The following SLC22A24 variants were observed in gnomAD, a reference collection of about 807,000 sequenced individuals.
SLC22A24 encodes the protein steroid transmembrane transporter SLC22A24.
Under a neutral mutation model 49.8 loss-of-function variants are expected in SLC22A24, and 53 were observed. That is an observed-to-expected ratio of 1.06 (90% CI 0.85 to 1.34). The LOEUF (loss-of-function observed/expected upper bound fraction) is 1.34. SLC22A24 is among the 40% of genes most tolerant of loss of function. The pLI is 0.00. For synonymous variants in SLC22A24, 302 were observed against 256.4 expected (o/e 1.18, Z -1.70); for missense variants, 786 against 675.9 (o/e 1.16, Z -1.81).
At chr11:63,131,427 T>C (rs1425984140) in intron 2 of SLC22A24, among the ~76,000 whole-genome samples, 1 of 152,196 alleles carries the variant, frequency 6.6e-6, no homozygotes, top group Non-Finnish European at 1.5e-5. Context: ...GGTTGTTCCT[T>C]TCCATGTTTA....
chr11:63,098,970 G>T (rs556442240), intron 5 of SLC22A24, among the ~76,000 whole-genome samples: 2 of 152,092 alleles, frequency 1.3e-5, no homozygotes, highest in Non-Finnish European at 1.5e-5. Context: ...GTTATTAAAG[G>T]CTGGTATGAG....
intron 6 of SLC22A24, among the ~76,000 whole-genome samples, chr11:63,091,619 A>G (rs910819561): frequency 1.3e-5 from 2 of 152,208 alleles, no homozygotes; most frequent in South Asian, 2.1e-4. Context: ...AAAACAATAA[A>G]CATAATCCAT....
chr11:63,142,225 G>T (rs952423050), intron 1 of SLC22A24, among the ~76,000 whole-genome samples: 10 of 152,086 alleles, frequency 6.6e-5, no homozygotes, highest in African/African-American at 2.4e-4. Context: ...CTCACCTTGG[G>T]GTTCACTCCC....
chr11:63,133,298 G>T (rs752354547), intron 2 of SLC22A24, among the ~76,000 whole-genome samples: 3 of 152,168 alleles, frequency 2.0e-5, no homozygotes, highest in African/African-American at 7.2e-5. Context: ...CCCTGCTTCA[G>T]CTTACCCTCA....
Position 63,104,559 on chromosome 11 carries a change from C to T in SLC22A24, c.831-261G>A, listed in dbSNP as rs534199974. 4.6e-5 allele frequency among the ~76,000 whole-genome samples: 7 copies of T among 152,174 alleles called. No individual in the cohort carries two copies. In the South Asian group the frequency reaches 1.2e-3, roughly 27 times the overall value. ...ACTGCTGATAAAGACATACCTGAGACTGGGTAACTTATAAAGAAAGAAAGG... is the reference window on the plus strand; with the variant it reads ...ACTGCTGATAAAGACATACCTGAGATTGGGTAACTTATAAAGAAAGAAAGG... On this transcript the variant is annotated intron_variant, in intron 4 of 9. Coordinates refer to ENST00000612278, the MANE Select transcript of SLC22A24 (RefSeq NM_001136506.2).
At chr11:63,089,342 C>CA (rs1378495402) in intron 6 of SLC22A24, among the ~76,000 whole-genome samples, 2 of 152,044 alleles carry the variant, frequency 1.3e-5, no homozygotes, top group African/African-American at 4.8e-5. Context: ...GAAGGAAAAA[C>CA]AAAACCCTTT....
intron 6 of SLC22A24, among the ~76,000 whole-genome samples, chr11:63,086,140 G>C (rs954439086): frequency 1.3e-5 from 2 of 152,118 alleles, no homozygotes; most frequent in African/African-American, 4.8e-5. Context: ...ATTCCTCAAG[G>C]AATTTAAAAC....
intron 6 of SLC22A24, among the ~76,000 whole-genome samples, chr11:63,094,499 A>G (rs2087040727): frequency 6.6e-6 from 1 of 152,284 alleles, no homozygotes; most frequent in East Asian, 1.9e-4. Context: ...TATACCCAGT[A>G]ATGGGATGGC....
chr11:63,143,304 A>G, intron 1 of SLC22A24, 74 bp downstream of exon 1: 1 of 1,319,146 alleles, frequency 7.6e-7, no homozygotes, highest in Non-Finnish European at 9.9e-7. Flanking sequence ...AAAGGTATAA[A>G]GCAAGTCAAT....
rs757491529 is a variant in SLC22A24 at position 63,143,574 on chromosome 11, T to C, written c.206A>G (p.Lys69Arg). 7 of 1,570,994 alleles carry C rather than the reference T, an allele frequency of 4.5e-6. No homozygotes were observed. Among genetic ancestry groups the C allele is most frequent in the East Asian group, 4.6e-5 (2 of 43,124 alleles). ...GATGGAGATTCTCAGGAGGTCATCC[T>C]TGCTGAGGGTCCCGGTATCATTGTC... is the stretch of plus-strand genomic sequence containing the variant. ...VSDNDTGTLS[K>R]DDLLRISIPL... Residue 69 changes from lysine (K) to arginine (R), a missense_variant, in exon 1 of 10, where the codon AAG becomes AGG. Lys to Arg is a conservative substitution (Grantham distance 26). Coordinates refer to ENST00000612278, the MANE Select transcript of SLC22A24 (RefSeq NM_001136506.2).
At chr11:63,093,865 T>C (rs139425282) in intron 6 of SLC22A24, among the ~76,000 whole-genome samples, 2 of 152,096 alleles carry the variant, frequency 1.3e-5, no homozygotes, top group African/African-American at 2.4e-5. Context: ...AAAAATAAAA[T>C]GCAAATTAAA....
intron 1 of SLC22A24, among the ~76,000 whole-genome samples, chr11:63,136,609 GC>G (rs1330850233): frequency 6.6e-6 from 1 of 152,238 alleles, no homozygotes; most frequent in East Asian, 1.9e-4. Flanking sequence ...CTCCTGCACA[GC>G]TGGCTCTGCA....
chr11:63,107,591 G>A (rs190965327), intron 4 of SLC22A24, among the ~76,000 whole-genome samples: 1 of 152,112 alleles, frequency 6.6e-6, no homozygotes, highest in East Asian at 1.9e-4. Context: ...ACTTGTTTGT[G>A]TCCTCTTTTA....
chr11:63,106,919 A>G (rs1052296917), intron 4 of SLC22A24, among the ~76,000 whole-genome samples: 4 of 152,032 alleles, frequency 2.6e-5, no homozygotes, highest in African/African-American at 9.7e-5. Context: ...GCTGTGCAGA[A>G]GCTCTTTAGT....
In SLC22A24 at chr11:63,143,470, T is replaced by C. The variant is rs1224486248; in HGVS notation, c.310A>G (p.Thr104Ala). Residue 104 changes from threonine to alanine, a missense_variant, in exon 1 of 10, where the codon ACC becomes GCC. Coordinates refer to ENST00000612278, the MANE Select transcript of SLC22A24 (RefSeq NM_001136506.2). ...PQWQLLHLNG[T>A]FPNTNEPDTE... ...TCTGGCTCATTTGTGTTGGGGAAGG[T>C]CCCGTTCAGGTGAAGGAGCTGCCAC... 1 of 1,597,372 alleles carries C rather than the reference T, an allele frequency of 6.3e-7. No individual in the cohort carries two copies. Among genetic ancestry groups the C allele is most frequent in the Admixed American group, 1.7e-5 (1 of 58,260 alleles).
At chr11:63,083,511 A>G in intron 6 of SLC22A24, 54 bp from the exon 7 acceptor site, 1 of 1,411,828 alleles carries the variant, frequency 7.1e-7, no homozygotes, top group East Asian at 2.5e-5. Context: ...AAGCCTAGGA[A>G]ACATTTTCTG....
At chr11:63,108,608 G>A (rs900655005) in intron 4 of SLC22A24, among the ~76,000 whole-genome samples, 1 of 152,164 alleles carries the variant, frequency 6.6e-6, no homozygotes, top group Non-Finnish European at 1.5e-5. Context: ...CAATTTTATA[G>A]CCTGTTATTG....
chr11:63,143,927 G>A lies in SLC22A24; in HGVS notation c.-148C>T, dbSNP rs1183750501. The A allele has an allele frequency of 1.8e-6, 1 of 550,512 alleles. No individual in the cohort carries two copies. Among genetic ancestry groups the A allele is most frequent in the Admixed American group, 4.4e-5 (1 of 22,880 alleles). 34.1% of individuals were successfully genotyped at this position (550,512 alleles called of 1,614,324 possible). On this transcript the variant is annotated 5_prime_UTR_variant, in exon 1 of 10. Coordinates refer to ENST00000612278, the MANE Select transcript of SLC22A24 (RefSeq NM_001136506.2). ...TTCTTGGTGGGCCCTGCACTGAGTG[G>A]TGTGACACTACTGCAGAAGAGCAGT...
chr11:63,114,720 G>A (rs2134662921), intron 4 of SLC22A24, among the ~76,000 whole-genome samples: 1 of 152,206 alleles, frequency 6.6e-6, no homozygotes, highest in Non-Finnish European at 1.5e-5. Context: ...TTTGATTTTG[G>A]TGACCTACAG....
Sources: gnomAD v4.1 joint callset for allele counts (sites outside exome capture counted in the v4.1 genomes callset) on GRCh38, gnomAD v4.1.1 for gene constraint, MANE v1.5 for transcripts, NCBI Gene and HGNC (gene_info 2026-07-23, HGNC 2026-07-21) for gene names.